MUC22: variants seen among roughly 807,000 people sequenced by gnomAD.
The protein encoded by MUC22 is mucin 22, also known as mucin-22.
In MUC22, 24 loss-of-function variants were observed where a neutral mutation model predicts 40.3. The observed-to-expected ratio is 0.60, with a 90% CI of 0.43 to 0.84. The LOEUF is 0.84. Among genes scored for constraint, MUC22 ranks in the 40% least tolerant of loss-of-function variants. MUC22 has a pLI of 0.00. For missense variants in MUC22, 1,926 were observed against 2,130.7 expected (o/e 0.90, Z 1.89); for synonymous variants, 765 against 844.5 (o/e 0.91, Z 1.63).
Position 31,034,831 on chromosome 6 carries a change from G to A in MUC22, c.5215G>A (p.Gly1739Arg). ...AGGAGAACTTGAAATGGGACATGGA[G>A]GAACACACGGCTTTGGATATGGAGT... Residue 1739 changes from glycine to arginine, a missense_variant, in exon 4 of 4, where the codon GGA (glycine) becomes AGA (arginine). Transcript: ENST00000561890. The A allele has an allele frequency of 2.6e-6, 4 of 1,535,582 alleles. No individual in the cohort carries two copies. Among genetic ancestry groups the A allele is most frequent in the South Asian group, 2.4e-5 (2 of 84,056 alleles).
In MUC22 at chr6:31,028,206, C is replaced by A. The variant is rs1386579451; in HGVS notation, c.2775C>A (p.Thr925=). 3 of 1,534,452 alleles carry A rather than the reference C, an allele frequency of 2.0e-6. No homozygotes were observed. In the South Asian group the frequency reaches 3.6e-5, roughly 18 times the overall value. The change falls in exon 2 of 4, where the codon ACC becomes ACA. Residue 925 remains threonine (T), a synonymous_variant. Transcript: ENST00000561890. Reference sequence around the variant, plus strand: ...TCACCTCTACTGAAGGCTCTGAGACCACTACAGTATCTGCCACAGGCTCTG... The same window carrying A: ...TCACCTCTACTGAAGGCTCTGAGACAACTACAGTATCTGCCACAGGCTCTG...
intron 1 of MUC22, among the ~76,000 whole-genome samples, chr6:31,020,061 T>C (rs1445934937): frequency 6.6e-6 from 1 of 152,140 alleles, no homozygotes; most frequent in African/African-American, 2.4e-5. Context: ...AAAGAAATAG[T>C]AGCTGAAAAA....
intron 1 of MUC22, among the ~76,000 whole-genome samples, chr6:31,022,204 A>G (rs558883047): frequency 1.3e-5 from 2 of 152,344 alleles, no homozygotes; most frequent in East Asian, 3.9e-4. Context: ...CTGTGGCTTC[A>G]TTCTTGAAGT....
intron 1 of MUC22, among the ~76,000 whole-genome samples, chr6:31,022,249 C>G (rs1019391602): frequency 6.6e-6 from 1 of 152,164 alleles, no homozygotes; most frequent in African/African-American, 2.4e-5. Context: ...TCCAGACACA[C>G]TGGGTTCAAG....
At chr6:31,013,071 G>C (rs9262464) in intron 1 of MUC22, among the ~76,000 whole-genome samples, 1 of 150,068 alleles carries the variant, frequency 6.7e-6, no homozygotes, top group African/African-American at 2.4e-5. Flanking sequence ...CCATCCTAAC[G>C]TCCCCGCATC....
chr6:31,026,564 C>T lies in MUC22; in HGVS notation c.1133C>T (p.Thr378Ile), dbSNP rs528393416. 4.0e-6 allele frequency: 6 copies of T among 1,501,712 alleles called. 1 individual carries two copies. The South Asian group carries it at 7.4e-5, about 18-fold the overall frequency. 93.0% of individuals were successfully genotyped at this position (1,501,712 alleles called of 1,614,324 possible). A position where few individuals can be genotyped will look rare whatever the true frequency, so the allele number is the denominator to read the frequency against. The change falls in exon 2 of 4, where the codon ACA becomes ATA. Residue 378 changes from threonine (T) to isoleucine (I), a missense_variant. Thr to Ile is a moderately conservative substitution (Grantham distance 89). Transcript: ENST00000561890. ...TCTGCCATGGGCTCAGAGACCACCACAAACTCTACTACAAGCTCTGAGACC... is the reference window on the plus strand; with the variant it reads ...TCTGCCATGGGCTCAGAGACCACCATAAACTCTACTACAAGCTCTGAGACC...
At chr6:31,025,481 C>T (rs1335915431) in intron 1 of MUC22, 21 bp from the exon 2 acceptor site, 1 of 1,470,226 alleles carries the variant, frequency 6.8e-7, no homozygotes, top group Non-Finnish European at 8.9e-7. Flanking sequence ...TTCCCACCAC[C>T]TTATTTGTTC....
intron 1 of MUC22, among the ~76,000 whole-genome samples, chr6:31,022,297 A>G (rs966049737): frequency 4.6e-5 from 7 of 152,126 alleles, no homozygotes; most frequent in African/African-American, 1.7e-4. Context: ...AGCTGGGATT[A>G]CAGGCATGTA....
chr6:31,023,612 A>G (rs1765047747), intron 1 of MUC22, among the ~76,000 whole-genome samples: 2 of 152,360 alleles, frequency 1.3e-5, no homozygotes, highest in South Asian at 4.1e-4. Context: ...ACCACAATTA[A>G]AAGGCAGAGA....
exon 2 of MUC22, chr6:31,026,822 C>G (rs1765417311): frequency 6.7e-7 from 1 of 1,496,436 alleles, no homozygotes; most frequent in African/African-American, 1.4e-5. Context: ...ACCACAGGCT[C>G]TGAGACCACA....
In MUC22 at chr6:31,032,597, G is replaced by A. The variant is rs1297522896; in HGVS notation, c.5055+16G>A. 1 of 1,516,936 alleles carries A rather than the reference G, an allele frequency of 6.6e-7. No individual in the cohort carries two copies. The highest frequency in any genetic ancestry group is 1.4e-5 in the African/African-American group (1 of 72,656). The allele number at this position is 1,516,936 out of a possible 1,614,324, so 94.0% of individuals were successfully genotyped here. ...TTTTTGTCTGGTGAGTACCCAGGGT[G>A]GGTTCATAGGGGAGCCTGGCAAGAA... On this transcript the variant is annotated intron_variant, in intron 3 of 3. Coordinates refer to ENST00000561890, the Ensembl canonical transcript of MUC22. The surrounding 1 kb of genome is among the most constrained non-coding windows in gnomAD (Gnocchi z 4.1).
chr6:31,006,554 C>T (rs539568602), upstream of MUC22, among the ~76,000 whole-genome samples: 7 of 152,182 alleles, frequency 4.6e-5, no homozygotes, highest in East Asian at 3.9e-4. Flanking sequence ...TAAACCCTGA[C>T]GTCAACGAGG....
At chr6:31,027,423 G>A in exon 2 of MUC22, 2 of 1,532,810 alleles carry the variant, frequency 1.3e-6, no homozygotes, top group African/African-American at 1.4e-5. Flanking sequence ...CAGACTCAGA[G>A]ACCACCACCA....
intron 1 of MUC22, among the ~76,000 whole-genome samples, chr6:31,021,199 A>G (rs1764706597): frequency 6.6e-6 from 1 of 152,236 alleles, no homozygotes; most frequent in Non-Finnish European, 1.5e-5. Flanking sequence ...TCTGGTGAGG[A>G]CGTGGAGAGT....
At chr6:31,031,660 G>A (rs1008803672) in intron 2 of MUC22, among the ~76,000 whole-genome samples, 4 of 151,274 alleles carry the variant, frequency 2.6e-5, no homozygotes, top group Admixed American at 6.6e-5. Context: ...TTTATCCCTC[G>A]CCCCCTCCCA....
chr6:31,006,075 C>A, upstream of MUC22: 1 of 334,766 alleles, frequency 3.0e-6, no homozygotes, highest in Non-Finnish European at 5.8e-6. Flanking sequence ...CCACTGCACT[C>A]CAGCCTGGTC....
intron 1 of MUC22, among the ~76,000 whole-genome samples, chr6:31,017,108 A>G (rs905389970): frequency 1.3e-5 from 2 of 152,228 alleles, no homozygotes; most frequent in African/African-American, 4.8e-5. Flanking sequence ...CTGTGCAGCC[A>G]GAACCTCCCA....
chr6:31,009,298 C>A (rs1181096658), upstream of MUC22, among the ~76,000 whole-genome samples: 1 of 152,100 alleles, frequency 6.6e-6, no homozygotes, highest in African/African-American at 2.4e-5. Flanking sequence ...AACTCCTGGG[C>A]TCACACAATC....
exon 2 of MUC22, chr6:31,028,268 C>T: frequency 6.5e-7 from 1 of 1,535,088 alleles, no homozygotes; most frequent in Non-Finnish European, 8.7e-7. Context: ...GGGACCACTA[C>T]AGTCTCCATC....
Sources: allele counts gnomAD v4.1 joint callset (sites outside exome capture counted in the v4.1 genomes callset), GRCh38; gene constraint gnomAD v4.1.1; non-coding constraint Gnocchi (gnomAD v3.1); transcripts MANE v1.5; gene names NCBI Gene and HGNC (gene_info 2026-07-23, HGNC 2026-07-21).